HSPA12A: variants seen among roughly 807,000 people sequenced by gnomAD.
HSPA12A encodes heat shock protein family A (Hsp70) member 12A, also known as heat shock 70 kDa protein 12A.
In HSPA12A, 28 loss-of-function variants were observed where a neutral mutation model predicts 69.2. The observed-to-expected ratio is 0.40, with a 90% CI of 0.30 to 0.55. The LOEUF (loss-of-function observed/expected upper bound fraction) is 0.55, where lower values mean the gene tolerates loss of function less well. HSPA12A is among the 20% of genes least tolerant of loss of function. The probability of loss-of-function intolerance (pLI) is 0.38; values close to 1 mark genes in which losing one functional copy is unlikely to be tolerated. For missense variants in HSPA12A, 686 were observed against 900.7 expected (o/e 0.76, Z 3.05); for synonymous variants, 345 against 370.5 (o/e 0.93, Z 0.79).
In HSPA12A at chr10:116,803,017, C is replaced by A. The variant is rs565436583; in HGVS notation, c.91+31918G>T. Among the ~76,000 whole-genome samples the A allele has an allele frequency of 9.2e-5, 14 of 151,878 alleles. No individual in the cohort carries two copies. In the East Asian group the frequency reaches 2.3e-3, roughly 25 times the overall value. Reference sequence around the variant, plus strand: ...AGCTGGCAACGACCACAGAACAGGGCAAGAAATAAAGCATGTTTGGAGTAA... The same window carrying A: ...AGCTGGCAACGACCACAGAACAGGGAAAGAAATAAAGCATGTTTGGAGTAA... On this transcript the variant is annotated intron_variant, in intron 2 of 12. Coordinates refer to the HSPA12A transcript ENST00000635765.
intron 2 of HSPA12A, among the ~76,000 whole-genome samples, chr10:116,769,669 T>C (rs1844155274): frequency 1.3e-5 from 2 of 152,164 alleles, no homozygotes; most frequent in Admixed American, 1.3e-4. Context: ...AGAAACATGC[T>C]AATTAGGTTT....
intron 7 of HSPA12A, 40 bp downstream of exon 7, chr10:116,683,751 A>G (rs782039705): frequency 1.5e-5 from 22 of 1,464,444 alleles, no homozygotes; most frequent in Non-Finnish European, 2.0e-5. Context: ...GGGCTTGGGA[A>G]GGAAGGAGAG....
intron 2 of HSPA12A, among the ~76,000 whole-genome samples, chr10:116,783,604 A>G (rs950882029): frequency 6.6e-6 from 1 of 152,188 alleles, no homozygotes; most frequent in African/African-American, 2.4e-5. Flanking sequence ...TGTAACACAT[A>G]AACTGGGGCA....
intron 2 of HSPA12A, chr10:116,831,596 A>G (rs773235004): frequency 1.3e-5 from 2 of 152,218 alleles, no homozygotes; most frequent in Non-Finnish European, 2.9e-5. Context: ...TCAACTGAAC[A>G]TAATTTCACC....
intron 2 of HSPA12A, among the ~76,000 whole-genome samples, chr10:116,789,825 A>G (rs1844663198): frequency 6.6e-6 from 1 of 152,114 alleles, no homozygotes; most frequent in South Asian, 2.1e-4. Context: ...GCCATGCTTC[A>G]TATCCCTGGA....
chr10:116,712,930 T>A (rs978073172), intron 1 of HSPA12A, among the ~76,000 whole-genome samples: 1 of 143,680 alleles, frequency 7.0e-6, no homozygotes, highest in Non-Finnish European at 1.5e-5. Flanking sequence ...AAATGCCCAA[T>A]TTGAAAAGGA....
At chr10:116,698,870 G>T in intron 4 of HSPA12A, 131 bp from the exon 5 acceptor site, 1 of 692,780 alleles carries the variant, frequency 1.4e-6, no homozygotes, top group Non-Finnish European at 2.5e-6. Context: ...TGCTTAAAGA[G>T]GCAGACTAGG....
At chr10:116,690,860 C>T (rs1236629545) in intron 6 of HSPA12A, among the ~76,000 whole-genome samples, 2 of 151,990 alleles carry the variant, frequency 1.3e-5, no homozygotes, top group Admixed American at 1.3e-4. Flanking sequence ...ACATTTGTTG[C>T]TGAAGTCTTC....
intron 2 of HSPA12A, among the ~76,000 whole-genome samples, chr10:116,810,649 A>C (rs1001319692): frequency 2.0e-5 from 3 of 152,202 alleles, no homozygotes; most frequent in Admixed American, 6.5e-5. Flanking sequence ...AATGATCTGG[A>C]GACTTGTTAG....
chr10:116,685,024 G>A (rs1396378351), intron 6 of HSPA12A, among the ~76,000 whole-genome samples: 3 of 152,182 alleles, frequency 2.0e-5, no homozygotes, highest in Non-Finnish European at 4.4e-5. Context: ...TCAGGTACAC[G>A]GGTGTCCTCA....
At chr10:116,826,762 G>A (rs1489999217) in intron 2 of HSPA12A, among the ~76,000 whole-genome samples, 2 of 152,190 alleles carry the variant, frequency 1.3e-5, no homozygotes, top group African/African-American at 4.8e-5. Flanking sequence ...GAAAATGCTT[G>A]AATGAATGGG....
chr10:116,683,674 G>A (rs181157543), intron 7 of HSPA12A, 117 bp downstream of exon 7: 39 of 1,087,280 alleles, frequency 3.6e-5, no homozygotes, highest in African/African-American at 1.3e-4. Flanking sequence ...ACCTCCTCCC[G>A]GAGTATCCTG....
intron 1 of HSPA12A, among the ~76,000 whole-genome samples, chr10:116,730,822 G>T (rs905153548): frequency 6.6e-6 from 1 of 152,280 alleles, no homozygotes; most frequent in African/African-American, 2.4e-5. Flanking sequence ...GACAGACTGA[G>T]GCTGTGGGAT....
chr10:116,785,214 C>T (rs1475739190), intron 2 of HSPA12A, among the ~76,000 whole-genome samples: 1 of 152,070 alleles, frequency 6.6e-6, no homozygotes, highest in East Asian at 1.9e-4. Flanking sequence ...CCCACCGCCA[C>T]CATCATTCAA....
In HSPA12A at chr10:116,683,834, A is replaced by G. The variant is rs1458171749; in HGVS notation, c.792T>C (p.Asn264=). ...CTACTGTGTCACTGCCGCTGTACCCATTGACGGCTGCCTTGCTGCTCAGCT... is the reference window on the plus strand; with the variant it reads ...CTACTGTGTCACTGCCGCTGTACCCGTTGACGGCTGCCTTGCTGCTCAGCT... The part of the protein sequence containing the change: ...MIELSSKAAV[N]GYSGSDTVGA... The change falls in exon 7 of 12, where the codon AAT becomes AAC. Residue 264 remains asparagine (N), a synonymous_variant. Transcript: ENST00000369209. The G allele has an allele frequency of 6.3e-7, 1 of 1,593,862 alleles. No individual in the cohort carries two copies. The highest frequency in any genetic ancestry group is 8.6e-7 in the Non-Finnish European group (1 of 1,164,150).
chr10:116,767,263 G>A (rs1014423277), intron 2 of HSPA12A, among the ~76,000 whole-genome samples: 5 of 152,216 alleles, frequency 3.3e-5, no homozygotes, highest in Non-Finnish European at 7.3e-5. Flanking sequence ...GAGACTGGAA[G>A]AGGCCAGAGG....
At chr10:116,763,655 T>G (rs1554889494) in intron 2 of HSPA12A, among the ~76,000 whole-genome samples, 1 of 152,100 alleles carries the variant, frequency 6.6e-6, no homozygotes. Flanking sequence ...AGTCCCAACT[T>G]GGGGCCATCT....
intron 2 of HSPA12A, among the ~76,000 whole-genome samples, chr10:116,769,322 A>T (rs1332329445): frequency 3.3e-5 from 5 of 152,190 alleles, no homozygotes; most frequent in African/African-American, 1.2e-4. Flanking sequence ...CTATGGTGTC[A>T]TCACCAGACC....
intron 2 of HSPA12A, among the ~76,000 whole-genome samples, chr10:116,817,424 T>G (rs1424286738): frequency 6.6e-6 from 1 of 151,882 alleles, no homozygotes; most frequent in East Asian, 1.9e-4. Context: ...TGCGGTGACC[T>G]TAGTGGAGCT....
Sources: allele counts gnomAD v4.1 joint callset (sites outside exome capture counted in the v4.1 genomes callset), GRCh38; gene constraint gnomAD v4.1.1; transcripts MANE v1.5; gene names NCBI Gene and HGNC (gene_info 2026-07-23, HGNC 2026-07-21).